The following ASXL1 variants were observed in gnomAD, a reference collection of about 807,000 sequenced individuals.
ASXL1 encodes ASXL transcriptional regulator 1, also known as polycomb group protein ASXL1.
In ASXL1, 65 loss-of-function variants were observed where a neutral mutation model predicts 89.1. The observed-to-expected ratio is 0.73, with a 90% CI of 0.60 to 0.90. ASXL1 has a LOEUF of 0.90. Ranked by LOEUF, ASXL1 falls within the 40% of genes least tolerant of loss-of-function variation. ASXL1 has a pLI of 0.00. For synonymous variants in ASXL1, 739 were observed against 746.9 expected (o/e 0.99, Z 0.17); for missense variants, 1,786 against 1,942.9 (o/e 0.92, Z 1.52).
intron 1 of ASXL1, among the ~76,000 whole-genome samples, chr20:32,361,974 C>CAGG (rs1402897190): frequency 2.0e-5 from 3 of 152,120 alleles, no homozygotes; most frequent in Non-Finnish European, 4.4e-5. Context: ...GAGGCTGAGG[C>CAGG]AGGAGAATCA....
At chr20:32,386,427 T>G (rs2048579629) in intron 4 of ASXL1, among the ~76,000 whole-genome samples, 1 of 150,988 alleles carries the variant, frequency 6.6e-6, no homozygotes, top group Non-Finnish European at 1.5e-5. Context: ...TGGGGTTACT[T>G]TTTTTTTTGA....
At chr20:32,424,252 A>G (rs2011211064) in intron 4 of ASXL1, among the ~76,000 whole-genome samples, 1 of 152,152 alleles carries the variant, frequency 6.6e-6, no homozygotes, top group Non-Finnish European at 1.5e-5. Flanking sequence ...TCTACCACCT[A>G]GGCTAGGTAC....
chr20:32,362,410 G>A (rs1158073124), intron 1 of ASXL1, among the ~76,000 whole-genome samples: 2 of 152,322 alleles, frequency 1.3e-5, no homozygotes, highest in African/African-American at 4.8e-5. Flanking sequence ...GCCGAGGCGG[G>A]CGGATCACGA....
intron 4 of ASXL1, among the ~76,000 whole-genome samples, chr20:32,390,478 TA>T (rs1284569998): frequency 6.6e-6 from 1 of 152,114 alleles, no homozygotes; most frequent in Non-Finnish European, 1.5e-5. Context: ...TTTTTTAATT[TA>T]AAAAAATATA....
intron 8 of ASXL1, chr20:32,430,441 G>A (rs1473842945): frequency 3.9e-6 from 1 of 256,640 alleles, no homozygotes; most frequent in Non-Finnish European, 7.5e-6. Flanking sequence ...GTCTGTATCA[G>A]ACGCTCCCTT....
chr20:32,434,623 C>T lies in ASXL1; in HGVS notation c.1911C>T (p.Ala637=), dbSNP rs1472398458. ...GTCACCACTGCCATAGAGAGGCGGC[C>T]ACCACTGCCATCGGAGGGGGGGGTG... is the stretch of plus-strand genomic sequence containing the variant. The part of the protein sequence containing the change: ...ARGHHCHREA[A]TTAIGGGGGP... The change falls in exon 13 of 13, where the codon GCC becomes GCT. Residue 637 remains alanine, a synonymous_variant. Transcript: ENST00000375687. The T allele has an allele frequency of 5.6e-6, 9 of 1,609,952 alleles. No homozygotes were observed. The highest frequency in any genetic ancestry group is 6.8e-6 in the Non-Finnish European group (8 of 1,178,080).
intron 4 of ASXL1, among the ~76,000 whole-genome samples, chr20:32,415,329 T>C (rs1168078327): frequency 6.6e-6 from 1 of 152,134 alleles, no homozygotes; most frequent in African/African-American, 2.4e-5. Flanking sequence ...TTTTCTATTG[T>C]TGGTCTTATT....
At chr20:32,427,754 C>G (rs569672000) in intron 4 of ASXL1, 2 of 293,580 alleles carry the variant, frequency 6.8e-6, no homozygotes, top group Non-Finnish European at 1.3e-5. Flanking sequence ...TGCCACGGCT[C>G]TCCATGTTCA....
intron 4 of ASXL1, among the ~76,000 whole-genome samples, chr20:32,384,198 G>GGTTT: frequency 1.3e-5 from 1 of 77,300 alleles, no homozygotes; most frequent in African/African-American, 4.7e-5. Context: ...GCAGCAGTCT[G>GGTTT]TTTTTTTTTT....
In ASXL1 at chr20:32,437,311, C is replaced by T; in HGVS notation, c.4599C>T (p.Leu1533=). 6.2e-7 allele frequency: 1 copy of T among 1,614,088 alleles called. No homozygotes were observed. Among genetic ancestry groups the T allele is most frequent in the Non-Finnish European group, 8.5e-7 (1 of 1,180,024 alleles). The change falls in exon 13 of 13, where the codon CTC becomes CTT. Residue 1533 remains leucine, a synonymous_variant. Transcript: ENST00000375687. ...CHDDCIGPSK[L]CVLCLVVR ...ATGACTGTATTGGACCCTCAAAGCT[C>T]TGTGTATTGTGCCTTGTGGTGAGAT...
At chr20:32,380,341 T>G (rs948548546) in intron 4 of ASXL1, among the ~76,000 whole-genome samples, 4 of 152,112 alleles carry the variant, frequency 2.6e-5, no homozygotes, top group African/African-American at 9.7e-5. Context: ...AATCCATAGT[T>G]TACAAATAAA....
intron 4 of ASXL1, among the ~76,000 whole-genome samples, chr20:32,397,151 TCTC>T (rs1239581613): frequency 6.8e-6 from 1 of 147,060 alleles, no homozygotes; most frequent in African/African-American, 2.5e-5. Context: ...TTCAAGCAGT[TCTC>T]CTGCCTCAGC....
chr20:32,390,959 G>A (rs926365375), intron 4 of ASXL1, among the ~76,000 whole-genome samples: 3 of 151,948 alleles, frequency 2.0e-5, no homozygotes, highest in Admixed American at 6.6e-5. Flanking sequence ...GCAGCGGCAC[G>A]ATCATAGTTC....
intron 4 of ASXL1, among the ~76,000 whole-genome samples, chr20:32,423,541 T>TTTTATTTA (rs1343348542): frequency 2.6e-5 from 4 of 151,254 alleles, no homozygotes; most frequent in South Asian, 2.1e-4. Flanking sequence ...ACCCAGCATT[T>TTTTATTTA]TTTATTTATT....
chr20:32,421,895 G>T (rs1265880180), intron 4 of ASXL1, among the ~76,000 whole-genome samples: 2 of 132,858 alleles, frequency 1.5e-5, no homozygotes, highest in African/African-American at 5.5e-5. Context: ...TTGAGACGGA[G>T]TCTGGCTCTG....
intron 1 of ASXL1, among the ~76,000 whole-genome samples, chr20:32,363,672 C>G (rs2048159931): frequency 6.6e-6 from 1 of 152,164 alleles, no homozygotes; most frequent in Non-Finnish European, 1.5e-5. Context: ...TTACCTCTGC[C>G]TGGCAGAGAT....
intron 4 of ASXL1, chr20:32,372,039 AT>A: frequency 8.3e-7 from 1 of 1,206,480 alleles, no homozygotes; most frequent in Non-Finnish European, 1.1e-6. Context: ...ACTTTTTTCT[AT>A]GAGTACCTTA....
Position 32,428,230 on chromosome 20 carries a change from G to C in ASXL1, c.355G>C (p.Val119Leu), listed in dbSNP as rs1414383610. 3.7e-6 allele frequency: 6 copies of C among 1,614,210 alleles called. No homozygotes were observed. Among genetic ancestry groups the C allele is most frequent in the Non-Finnish European group, 5.1e-6 (6 of 1,180,046 alleles). ...ESCGSNEAST[V>L]SGENDVSLDE... Reference sequence around the variant, plus strand: ...CTGTGGGTCTAATGAAGCCAGCACTGTGAGTGGTGAAAACGATGGTAAGGA... The same window carrying C: ...CTGTGGGTCTAATGAAGCCAGCACTCTGAGTGGTGAAAACGATGGTAAGGA... The change falls in exon 5 of 13, where the codon GTG becomes CTG. Residue 119 changes from valine (V) to leucine (L), a missense_variant. By Grantham distance (32) the Val-to-Leu change is conservative. Coordinates refer to ENST00000375687, the MANE Select transcript of ASXL1 (RefSeq NM_015338.6).
At chr20:32,431,799 C>A in intron 10 of ASXL1, 120 bp downstream of exon 10, 2 of 1,029,488 alleles carry the variant, frequency 1.9e-6, no homozygotes, top group Non-Finnish European at 2.9e-6. Flanking sequence ...ATAAGACAGG[C>A]TTTCCTCATT....
Sources: gnomAD v4.1 joint callset for allele counts (sites outside exome capture counted in the v4.1 genomes callset) on GRCh38, gnomAD v4.1.1 for gene constraint, MANE v1.5 for transcripts, NCBI Gene and HGNC (gene_info 2026-07-23, HGNC 2026-07-21) for gene names.